The following SYNDIG1 variants were observed in gnomAD, a reference collection of about 807,000 sequenced individuals.
SYNDIG1 encodes synapse differentiation-inducing gene protein 1.
SYNDIG1 carries 9 observed loss-of-function variants against 19.4 expected under a neutral mutation model. The observed-to-expected ratio is 0.46, with a 90% CI of 0.28 to 0.81. SYNDIG1 has a LOEUF of 0.81. Among genes scored for constraint, SYNDIG1 ranks in the 30% least tolerant of loss-of-function variants. The pLI, the probability that SYNDIG1 is intolerant of heterozygous loss-of-function variation, is 0.12. For synonymous variants in SYNDIG1, 141 were observed against 145.9 expected (o/e 0.97, Z 0.24); for missense variants, 311 against 343.3 (o/e 0.91, Z 0.74).
chr20:24,656,964 A>G (rs182676581), intron 3 of SYNDIG1, among the ~76,000 whole-genome samples: 38 of 152,226 alleles, frequency 2.5e-4, no homozygotes, highest in African/African-American at 8.4e-4. Flanking sequence ...TGGTTGAGTA[A>G]AAGTGTGTGG....
chr20:24,578,027 G>A (rs183817753), intron 2 of SYNDIG1, among the ~76,000 whole-genome samples: 181 of 152,358 alleles, frequency 1.2e-3, no homozygotes, highest in African/African-American at 4.2e-3. Context: ...TTAGGCCACA[G>A]GCGAATCCCT....
intron 3 of SYNDIG1, among the ~76,000 whole-genome samples, chr20:24,649,436 A>G (rs1470940256): frequency 6.6e-6 from 1 of 152,174 alleles, no homozygotes; most frequent in African/African-American, 2.4e-5. Flanking sequence ...GGATCCATTT[A>G]TAGTTTAACT....
At chr20:24,475,796 T>C (rs1320599484) in intron 1 of SYNDIG1, among the ~76,000 whole-genome samples, 1 of 152,206 alleles carries the variant, frequency 6.6e-6, no homozygotes, top group East Asian at 1.9e-4. Context: ...CCTCACCGTT[T>C]CCATAGTGCC....
intron 1 of SYNDIG1, among the ~76,000 whole-genome samples, chr20:24,541,564 CT>C (rs1310990969): frequency 6.6e-6 from 1 of 152,164 alleles, no homozygotes; most frequent in Non-Finnish European, 1.5e-5. Flanking sequence ...TTTAAGGCGG[CT>C]TCCTCTGCCA....
intron 2 of SYNDIG1, among the ~76,000 whole-genome samples, chr20:24,578,093 A>G (rs927213688): frequency 6.6e-6 from 1 of 152,232 alleles, no homozygotes; most frequent in African/African-American, 2.4e-5. Flanking sequence ...TGTTCTGGGC[A>G]CTTAGGATAC....
chr20:24,596,902 A>G (rs2058604120), intron 3 of SYNDIG1: 4 of 152,240 alleles, frequency 2.6e-5, no homozygotes, highest in Admixed American at 2.6e-4. Flanking sequence ...ATTGGATTCA[A>G]CGGATATCAC....
At chr20:24,628,459 T>C (rs939990375) in intron 3 of SYNDIG1, among the ~76,000 whole-genome samples, 2 of 152,214 alleles carry the variant, frequency 1.3e-5, no homozygotes, top group Non-Finnish European at 2.9e-5. Flanking sequence ...AAGGGCTTTA[T>C]AGCAGAGAAA....
intron 3 of SYNDIG1, among the ~76,000 whole-genome samples, chr20:24,662,605 C>G (rs143777619): frequency 4.2e-4 from 64 of 152,292 alleles, no homozygotes; most frequent in African/African-American, 1.5e-3. Flanking sequence ...TCTGAAGAGC[C>G]CTTACAGTGC....
At chr20:24,513,254 A>G (rs1469187280) in intron 1 of SYNDIG1, among the ~76,000 whole-genome samples, 1 of 152,246 alleles carries the variant, frequency 6.6e-6, no homozygotes, top group African/African-American at 2.4e-5. Context: ...CCTCGCCAGC[A>G]ATGGAAAAAA....
chr20:24,580,142 G>A (rs1320116476), intron 2 of SYNDIG1, among the ~76,000 whole-genome samples: 1 of 152,208 alleles, frequency 6.6e-6, no homozygotes, highest in African/African-American at 2.4e-5. Context: ...CAGATGTACA[G>A]ATTAAATGAC....
intron 3 of SYNDIG1, among the ~76,000 whole-genome samples, chr20:24,648,959 G>A (rs2059445353): frequency 1.3e-5 from 2 of 152,232 alleles, no homozygotes; most frequent in South Asian, 4.1e-4. Flanking sequence ...ATGTCATCCA[G>A]GTGCAAGGTG....
chr20:24,551,985 C>T (rs930066824), intron 2 of SYNDIG1, among the ~76,000 whole-genome samples: 1 of 152,132 alleles, frequency 6.6e-6, no homozygotes, highest in Non-Finnish European at 1.5e-5. Context: ...TTCGCAAGGT[C>T]GTGTGAGTTA....
chr20:24,490,878 A>C (rs2056127457), intron 1 of SYNDIG1, among the ~76,000 whole-genome samples: 1 of 152,208 alleles, frequency 6.6e-6, no homozygotes, highest in Non-Finnish European at 1.5e-5. Flanking sequence ...GGAAATTTGC[A>C]CCAGTGTGAG....
intron 3 of SYNDIG1, among the ~76,000 whole-genome samples, chr20:24,624,802 A>G (rs878881802): frequency 1.3e-5 from 2 of 152,258 alleles, no homozygotes; most frequent in African/African-American, 2.4e-5. Context: ...CTGGGTCACA[A>G]AAAAATCCTC....
At chr20:24,479,556 C>T (rs1275268009) in intron 1 of SYNDIG1, among the ~76,000 whole-genome samples, 1 of 152,110 alleles carries the variant, frequency 6.6e-6, no homozygotes, top group Admixed American at 6.6e-5. Context: ...ACTCAGTAAC[C>T]CAGGAATCCA....
rs35642348 is a variant in SYNDIG1 at position 24,658,727 on chromosome 20, C to T, written c.619-6619C>T. Among the ~76,000 whole-genome samples, 8,530 of 151,798 alleles carry T rather than the reference C, an allele frequency of 0.056. 716 individuals carry two copies. The highest frequency in any genetic ancestry group is 0.18 in the African/African-American group (7,377 of 41,356). ...GCCCACAAAGTGCACAGCCCGGCAA[C>T]GCCCAGAGCTTCGTTTCAGGCGTTC... is the stretch of plus-strand genomic sequence containing the variant. On this transcript the variant is annotated intron_variant, in intron 3 of 3. Transcript: ENST00000376862. The surrounding 1 kb of genome is among the most constrained non-coding windows in gnomAD (Gnocchi z 4.4).
intron 2 of SYNDIG1, among the ~76,000 whole-genome samples, chr20:24,584,569 GA>G (rs2058382350): frequency 6.6e-6 from 1 of 152,158 alleles, no homozygotes; most frequent in South Asian, 2.1e-4. Flanking sequence ...AGCGATCTTA[GA>G]AATACTGCTT....
chr20:24,571,548 T>C (rs928488715), intron 2 of SYNDIG1, among the ~76,000 whole-genome samples: 11 of 152,154 alleles, frequency 7.2e-5, no homozygotes, highest in Admixed American at 6.5e-4. Flanking sequence ...CAGATATACA[T>C]TTATATTATA....
chr20:24,585,334 G>A (rs1202731588), intron 3 of SYNDIG1, among the ~76,000 whole-genome samples: 1 of 152,196 alleles, frequency 6.6e-6, no homozygotes, highest in Non-Finnish European at 1.5e-5. Context: ...GTGTGTGTGG[G>A]GTGACCCCAG....
Sources: gnomAD v4.1 joint callset for allele counts (sites outside exome capture counted in the v4.1 genomes callset) on GRCh38, gnomAD v4.1.1 for gene constraint, Gnocchi (gnomAD v3.1) non-coding constraint, MANE v1.5 for transcripts, NCBI Gene and HGNC (gene_info 2026-07-23, HGNC 2026-07-21) for gene names.